GRM8: variants seen among roughly 807,000 people sequenced by gnomAD.
GRM8 encodes glutamate metabotropic receptor 8, also known as metabotropic glutamate receptor 8.
In GRM8, 47 loss-of-function variants were observed where a neutral mutation model predicts 87.2. The ratio of observed to expected loss-of-function variants is 0.54; its 90% CI spans 0.43 to 0.69. GRM8 has a LOEUF of 0.69. Among genes scored for constraint, GRM8 ranks in the 30% least tolerant of loss-of-function variants. The probability of loss-of-function intolerance (pLI) is 0.00; values close to 1 mark genes in which losing one functional copy is unlikely to be tolerated. For missense variants in GRM8, 1,019 were observed against 1,139.2 expected, an observed-to-expected ratio of 0.89 and a Z score of 1.52; for synonymous variants, 396 against 404.5, an observed-to-expected ratio of 0.98 and a Z score of 0.25.
intron 8 of GRM8, among the ~76,000 whole-genome samples, chr7:126,584,550 G>A (rs956875265): frequency 9.2e-5 from 14 of 152,282 alleles, no homozygotes; most frequent in African/African-American, 2.9e-4. Context: ...CAGAAATTCC[G>A]AAATCATTTA....
chr7:127,189,615 T>C (rs1453737662), intron 2 of GRM8, among the ~76,000 whole-genome samples: 3 of 152,098 alleles, frequency 2.0e-5, no homozygotes, highest in Non-Finnish European at 4.4e-5. Context: ...AGTTAATATT[T>C]GCTGAACAAT....
intron 3 of GRM8, among the ~76,000 whole-genome samples, chr7:126,980,313 A>G (rs553784703): frequency 1.3e-5 from 2 of 152,302 alleles, no homozygotes; most frequent in East Asian, 3.9e-4. Context: ...GTCAACACCT[A>G]ATGGAAATGA....
intron 7 of GRM8, among the ~76,000 whole-genome samples, chr7:126,720,725 AC>A (rs1305802394): frequency 1.3e-5 from 2 of 152,104 alleles, no homozygotes; most frequent in Non-Finnish European, 2.9e-5. Flanking sequence ...GATCTCTTAT[AC>A]CAACTGAATT....
intron 6 of GRM8, among the ~76,000 whole-genome samples, chr7:126,791,660 T>G (rs2151675943): frequency 6.6e-6 from 1 of 152,326 alleles, no homozygotes; most frequent in Non-Finnish European, 1.5e-5. Context: ...TTCAAAGTAA[T>G]TTGCTCATAG....
intron 3 of GRM8, among the ~76,000 whole-genome samples, chr7:126,994,439 G>T (rs1812976999): frequency 6.6e-6 from 1 of 152,146 alleles, no homozygotes; most frequent in South Asian, 2.1e-4. Context: ...GGGCTCTTAG[G>T]GATCCCTGAA....
At chr7:127,047,610 G>C (rs779751955) in intron 3 of GRM8, among the ~76,000 whole-genome samples, 1 of 152,022 alleles carries the variant, frequency 6.6e-6, no homozygotes, top group Non-Finnish European at 1.5e-5. Flanking sequence ...AGGAGTATCA[G>C]ATTGAGCCCA....
intron 7 of GRM8, among the ~76,000 whole-genome samples, chr7:126,746,296 C>T (rs1038620328): frequency 6.6e-6 from 1 of 151,568 alleles, no homozygotes; most frequent in Non-Finnish European, 1.5e-5. Flanking sequence ...TATTCATAAA[C>T]TACATGAGTC....
At chr7:126,767,726 A>C (rs929396818) in intron 7 of GRM8, among the ~76,000 whole-genome samples, 1 of 152,086 alleles carries the variant, frequency 6.6e-6, no homozygotes. Flanking sequence ...TAAAATTAAA[A>C]TGTGATGAAT....
chr7:126,694,647 CTCT>C (rs1273180350), intron 7 of GRM8, among the ~76,000 whole-genome samples: 1 of 152,126 alleles, frequency 6.6e-6, no homozygotes, highest in African/African-American at 2.4e-5. Flanking sequence ...ATCAAGAAAG[CTCT>C]TGAGTGTTGA....
At chr7:126,445,463 C>T (rs1316088765) in intron 10 of GRM8, 6 of 151,726 alleles carry the variant, frequency 4.0e-5, no homozygotes, top group South Asian at 4.2e-4. Flanking sequence ...ACTGTAGAGA[C>T]GAAAATAGGT....
intron 7 of GRM8, among the ~76,000 whole-genome samples, chr7:126,734,377 C>T (rs1813955843): frequency 6.6e-6 from 1 of 151,634 alleles, no homozygotes; most frequent in Non-Finnish European, 1.5e-5. Context: ...TAACATATAT[C>T]ATGGCAATAT....
At chr7:126,472,737 A>T (rs937370966) in intron 9 of GRM8, among the ~76,000 whole-genome samples, 35 of 152,304 alleles carry the variant, frequency 2.3e-4, no homozygotes, top group African/African-American at 8.2e-4. Flanking sequence ...ACCTCCTCCC[A>T]TCACAGGCCT....
intron 9 of GRM8, among the ~76,000 whole-genome samples, chr7:126,510,293 CAA>C (rs3038818): frequency 1.2e-3 from 161 of 129,962 alleles, no homozygotes; most frequent in Non-Finnish European, 1.4e-3. Context: ...TAGGTTTTAG[CAA>C]AAAAAAAAAA....
chr7:127,046,426 A>G (rs1034605294), intron 3 of GRM8, among the ~76,000 whole-genome samples: 4 of 152,210 alleles, frequency 2.6e-5, no homozygotes, highest in Admixed American at 1.3e-4. Flanking sequence ...TACATTTTTA[A>G]TGAGCTAGTT....
At chr7:126,454,599 C>T (rs555997875) in intron 9 of GRM8, among the ~76,000 whole-genome samples, 8 of 151,224 alleles carry the variant, frequency 5.3e-5, no homozygotes, top group East Asian at 3.9e-4. Context: ...ATTTGTATTT[C>T]GAAGGCCTAA....
At chr7:126,640,483 G>T (rs1030596301) in intron 7 of GRM8, among the ~76,000 whole-genome samples, 3 of 152,102 alleles carry the variant, frequency 2.0e-5, no homozygotes, top group African/African-American at 7.2e-5. Flanking sequence ...TATGCATATT[G>T]ATTTATGTAT....
intron 7 of GRM8, among the ~76,000 whole-genome samples, chr7:126,670,720 CAA>C (rs1806282144): frequency 6.6e-6 from 1 of 152,168 alleles, no homozygotes; most frequent in Non-Finnish European, 1.5e-5. Flanking sequence ...TCAAGCAAAA[CAA>C]GAGTTAAGTA....
intron 2 of GRM8, among the ~76,000 whole-genome samples, chr7:127,159,238 A>C (rs1259080433): frequency 6.6e-6 from 1 of 152,218 alleles, no homozygotes; most frequent in Non-Finnish European, 1.5e-5. Context: ...CTTGTCTAAA[A>C]TTACTCATTT....
At chr7:127,239,085 G>C (rs1038933243) in intron 2 of GRM8, among the ~76,000 whole-genome samples, 4 of 152,190 alleles carry the variant, frequency 2.6e-5, no homozygotes, top group Admixed American at 6.5e-5. Context: ...CACAGGAGGA[G>C]CAAGACTGAA....
Sources: allele counts gnomAD v4.1 joint callset (sites outside exome capture counted in the v4.1 genomes callset), GRCh38; gene constraint gnomAD v4.1.1; transcripts MANE v1.5; gene names NCBI Gene and HGNC (gene_info 2026-07-23, HGNC 2026-07-21).